KLHL1: variants seen among roughly 807,000 people sequenced by gnomAD.
KLHL1 encodes the protein kelch-like protein 1.
KLHL1 carries 47 observed loss-of-function variants against 77.7 expected under a neutral mutation model. The observed-to-expected ratio is 0.60, with a 90% CI of 0.48 to 0.77. The LOEUF (loss-of-function observed/expected upper bound fraction) is 0.77. KLHL1 is among the 30% of genes least tolerant of loss of function. The pLI, the probability that KLHL1 is intolerant of heterozygous loss-of-function variation, is 0.00. For synonymous variants in KLHL1, 360 were observed against 325.2 expected, an observed-to-expected ratio of 1.11 and a Z score of -1.15; for missense variants, 925 against 910.8, an observed-to-expected ratio of 1.02 and a Z score of -0.20.
At chr13:69,728,967 T>G (rs1873424490) in intron 8 of KLHL1, among the ~76,000 whole-genome samples, 1 of 152,100 alleles carries the variant, frequency 6.6e-6, no homozygotes, top group African/African-American at 2.4e-5. Context: ...ATAAGATGTG[T>G]TCAGGCAGAA....
At chr13:70,021,410 T>C (rs1017951145) in intron 1 of KLHL1, among the ~76,000 whole-genome samples, 7 of 152,048 alleles carry the variant, frequency 4.6e-5, no homozygotes, top group African/African-American at 1.7e-4. Context: ...TCCATTCACA[T>C]ACTGAAGGGC....
At chr13:70,063,930 T>G (rs1174161276) in intron 1 of KLHL1, among the ~76,000 whole-genome samples, 1 of 152,066 alleles carries the variant, frequency 6.6e-6, no homozygotes, top group Non-Finnish European at 1.5e-5. Context: ...GTTTAAGTCA[T>G]TTTTAAACTC....
chr13:69,928,298 C>T (rs1227042542), intron 4 of KLHL1, among the ~76,000 whole-genome samples: 1 of 152,152 alleles, frequency 6.6e-6, no homozygotes, highest in African/African-American at 2.4e-5. Flanking sequence ...TGACAATCTC[C>T]ACACTTCAGC....
intron 2 of KLHL1, among the ~76,000 whole-genome samples, chr13:69,970,185 T>C (rs1479171502): frequency 6.6e-6 from 1 of 152,162 alleles, no homozygotes; most frequent in East Asian, 1.9e-4. Context: ...TTACTATTTT[T>C]ACGGTGGTTG....
intron 4 of KLHL1, among the ~76,000 whole-genome samples, chr13:69,893,457 A>G (rs900652460): frequency 1.3e-5 from 2 of 151,960 alleles, no homozygotes; most frequent in East Asian, 3.9e-4. Flanking sequence ...GATGGTCTTG[A>G]TCTCCTGACC....
intron 1 of KLHL1, among the ~76,000 whole-genome samples, chr13:69,985,847 G>GAT (rs201265781): frequency 0.18 from 22,308 of 127,398 alleles, 3,636 homozygotes; most frequent in African/African-American, 0.45. Flanking sequence ...TGTGTGTATA[G>GAT]ATATATATAT....
chr13:69,893,919 G>A (rs903736267), intron 4 of KLHL1, among the ~76,000 whole-genome samples: 6 of 152,082 alleles, frequency 3.9e-5, no homozygotes, highest in Non-Finnish European at 4.4e-5. Flanking sequence ...GACAAAGGCC[G>A]CCCAATGGCC....
chr13:69,876,232 G>T (rs77103392), intron 5 of KLHL1, among the ~76,000 whole-genome samples: 6,722 of 151,966 alleles, frequency 0.044, 196 homozygotes, highest in African/African-American at 0.081. Context: ...ATTTCAAAAG[G>T]CTCCTTTTAT....
chr13:69,728,030 A>G (rs1873378072), intron 8 of KLHL1, among the ~76,000 whole-genome samples: 1 of 152,120 alleles, frequency 6.6e-6, no homozygotes, highest in Non-Finnish European at 1.5e-5. Context: ...TATCTAATAA[A>G]TCAATCAGGT....
intron 5 of KLHL1, among the ~76,000 whole-genome samples, chr13:69,861,282 C>A (rs1164222239): frequency 6.6e-6 from 1 of 151,980 alleles, no homozygotes; most frequent in Non-Finnish European, 1.5e-5. Context: ...TTTCCTTAGC[C>A]CTTCCCTCTT....
At chr13:69,825,162 T>C (rs1038886174) in intron 6 of KLHL1, among the ~76,000 whole-genome samples, 24 of 152,116 alleles carry the variant, frequency 1.6e-4, no homozygotes, top group African/African-American at 5.8e-4. Context: ...AATATGTTGA[T>C]AAAATAAACA....
At position 70,043,353 on chromosome 13, in the gene KLHL1, C is replaced by T. The variant is rs141855195; in HGVS notation, c.497+63850G>A. ...GTGTTATTACTAAGGAGTCAAAATG[C>T]TAAAAGTTTATAAGTTAAGAAAGTT... On this transcript the variant is annotated intron_variant, in intron 1 of 10. Transcript: ENST00000377844. 3.7e-3 allele frequency among the ~76,000 whole-genome samples: 564 copies of T among 152,034 alleles called. 3 individuals carry two copies. Among genetic ancestry groups the T allele is most frequent in the African/African-American group, 0.013 (529 of 41,474 alleles).
At chr13:69,721,587 A>G (rs1480528051) in intron 8 of KLHL1, among the ~76,000 whole-genome samples, 3 of 152,136 alleles carry the variant, frequency 2.0e-5, no homozygotes, top group Non-Finnish European at 4.4e-5. Flanking sequence ...ATAAATGCAT[A>G]GGAAGACAGT....
At chr13:69,898,773 AT>A (rs1463664202) in intron 4 of KLHL1, among the ~76,000 whole-genome samples, 1 of 152,198 alleles carries the variant, frequency 6.6e-6, no homozygotes, top group Non-Finnish European at 1.5e-5. Context: ...CAAATTAAAA[AT>A]AAAAAACTAT....
At chr13:69,895,756 G>A (rs1366131036) in intron 4 of KLHL1, among the ~76,000 whole-genome samples, 1 of 147,096 alleles carries the variant, frequency 6.8e-6, no homozygotes, top group African/African-American at 2.5e-5. Context: ...CCAAGTTGAA[G>A]TTTGCAGTGG....
At chr13:69,947,288 G>A (rs902111444) in intron 3 of KLHL1, among the ~76,000 whole-genome samples, 2 of 151,946 alleles carry the variant, frequency 1.3e-5, no homozygotes, top group Non-Finnish European at 2.9e-5. Flanking sequence ...ACATAGTTTG[G>A]CTTGGGTGTT....
At chr13:69,906,921 A>G (rs545452951) in intron 4 of KLHL1, among the ~76,000 whole-genome samples, 2 of 152,128 alleles carry the variant, frequency 1.3e-5, no homozygotes, top group African/African-American at 4.8e-5. Context: ...CTAAATTACC[A>G]TATTTTGAAA....
intron 1 of KLHL1, among the ~76,000 whole-genome samples, chr13:70,039,621 C>T (rs537067578): frequency 2.0e-5 from 3 of 147,094 alleles, no homozygotes; most frequent in African/African-American, 7.5e-5. Context: ...TACTGCCTGC[C>T]TTTGGATTCC....
At chr13:69,968,509 C>T (rs1420361306) in intron 2 of KLHL1, among the ~76,000 whole-genome samples, 1 of 146,910 alleles carries the variant, frequency 6.8e-6, no homozygotes. Flanking sequence ...AAAAATCAAA[C>T]CTATGAAATT....
Sources: allele counts gnomAD v4.1 joint callset (sites outside exome capture counted in the v4.1 genomes callset), GRCh38; gene constraint gnomAD v4.1.1; transcripts MANE v1.5; gene names NCBI Gene and HGNC (gene_info 2026-07-23, HGNC 2026-07-21).